Variants in CDH13 observed in about 807,000 individuals in gnomAD.
CDH13 encodes the protein cadherin 13.
CDH13 carries 24 observed loss-of-function variants against 63.8 expected under a neutral mutation model. The ratio of observed to expected loss-of-function variants is 0.38; its 90% CI spans 0.27 to 0.53. CDH13 has a LOEUF of 0.53. Ranked by LOEUF, CDH13 falls within the 20% of genes least tolerant of loss-of-function variation. The probability of loss-of-function intolerance (pLI) is 0.85; values close to 1 mark genes in which losing one functional copy is unlikely to be tolerated. For synonymous variants in CDH13, 503 were observed against 355.3 expected, an observed-to-expected ratio of 1.42 and a Z score of -4.67; for missense variants, 1,049 against 903.1, an observed-to-expected ratio of 1.16 and a Z score of -2.07.
In CDH13 at chr16:82,638,033, A is replaced by G. The variant is rs151032706; in HGVS notation, c.45+10896A>G. Reference sequence around the variant, plus strand: ...TAATTGTTACAATAGGAAGCAGTAGAGGCTGAAATCCATTGAAGGGAGAAG... The same window carrying G: ...TAATTGTTACAATAGGAAGCAGTAGGGGCTGAAATCCATTGAAGGGAGAAG... On this transcript the variant is annotated intron_variant, in intron 1 of 13. Transcript: ENST00000567109. Among the ~76,000 whole-genome samples the G allele has an allele frequency of 1.2e-3, 187 of 152,362 alleles. No individual in the cohort carries two copies. In the Middle Eastern group the frequency reaches 0.014, roughly 11 times the overall value.
intron 7 of CDH13, among the ~76,000 whole-genome samples, chr16:83,581,004 A>G (rs1417732087): frequency 1.3e-5 from 2 of 152,200 alleles, no homozygotes; most frequent in Non-Finnish European, 2.9e-5. Flanking sequence ...TGCATTACCC[A>G]TAGATGGTGC....
intron 1 of CDH13, among the ~76,000 whole-genome samples, chr16:82,686,728 C>T (rs763079547): frequency 1.3e-5 from 2 of 152,150 alleles, no homozygotes; most frequent in Non-Finnish European, 2.9e-5. Context: ...CAGAATGTTG[C>T]TTGATGCACA....
intron 1 of CDH13, among the ~76,000 whole-genome samples, chr16:82,815,636 T>C (rs1402321346): frequency 6.6e-6 from 1 of 152,210 alleles, no homozygotes; most frequent in Non-Finnish European, 1.5e-5. Flanking sequence ...TGGTGGATGC[T>C]GCTTCGTTTG....
intron 8 of CDH13, among the ~76,000 whole-genome samples, chr16:83,618,036 G>T (rs770906570): frequency 6.6e-5 from 10 of 152,306 alleles, no homozygotes; most frequent in Admixed American, 1.3e-4. Flanking sequence ...CACCCAGCCT[G>T]CCGTGTAGTG....
At chr16:82,788,393 C>G (rs1292102179) in intron 1 of CDH13, among the ~76,000 whole-genome samples, 1 of 152,256 alleles carries the variant, frequency 6.6e-6, no homozygotes, top group South Asian at 2.1e-4. Context: ...GGACGACCGC[C>G]CTGATGTGGT....
At chr16:83,033,576 T>C (rs1169992284) in intron 3 of CDH13, among the ~76,000 whole-genome samples, 1 of 152,334 alleles carries the variant, frequency 6.6e-6, no homozygotes, top group Admixed American at 6.5e-5. Flanking sequence ...TGTGTGTAAT[T>C]GCATATCGTG....
intron 2 of CDH13, among the ~76,000 whole-genome samples, chr16:82,918,112 G>C (rs1382661019): frequency 6.6e-6 from 1 of 152,258 alleles, no homozygotes; most frequent in East Asian, 1.9e-4. Context: ...CCTGGTAAAA[G>C]GTGGCAGAGC....
At chr16:82,893,518 G>C (rs1419951925) in intron 2 of CDH13, among the ~76,000 whole-genome samples, 2 of 152,218 alleles carry the variant, frequency 1.3e-5, no homozygotes, top group Non-Finnish European at 1.5e-5. Flanking sequence ...GTAATACTTG[G>C]AGAAATACAG....
intron 4 of CDH13, among the ~76,000 whole-genome samples, chr16:83,158,871 C>G (rs2037329365): frequency 6.6e-6 from 1 of 152,228 alleles, no homozygotes; most frequent in Non-Finnish European, 1.5e-5. Context: ...GCTGGGCTCT[C>G]TTTGGGCTTC....
intron 10 of CDH13, among the ~76,000 whole-genome samples, chr16:83,680,605 C>A (rs766364400): frequency 6.6e-6 from 1 of 152,046 alleles, no homozygotes; most frequent in East Asian, 1.9e-4. Context: ...TTCATCCTAC[C>A]GCTGTGTGAG....
chr16:83,017,664 T>A (rs1914937374), intron 2 of CDH13, among the ~76,000 whole-genome samples: 1 of 152,206 alleles, frequency 6.6e-6, no homozygotes, highest in Admixed American at 6.5e-5. Context: ...GTATTATATA[T>A]GATAGACATC....
chr16:83,308,643 A>T (rs778772702), intron 5 of CDH13, among the ~76,000 whole-genome samples: 1 of 152,230 alleles, frequency 6.6e-6, no homozygotes, highest in African/African-American at 2.4e-5. Context: ...CATGGAAAGA[A>T]CCTTTCCTAA....
intron 7 of CDH13, among the ~76,000 whole-genome samples, chr16:83,564,108 G>T (rs1780794085): frequency 6.6e-6 from 1 of 152,166 alleles, no homozygotes; most frequent in East Asian, 1.9e-4. Context: ...CTGGTGTTTT[G>T]CAAGTAAGTG....
intron 10 of CDH13, among the ~76,000 whole-genome samples, chr16:83,733,386 G>A (rs1281285610): frequency 1.3e-5 from 2 of 152,268 alleles, no homozygotes; most frequent in South Asian, 2.1e-4. Flanking sequence ...CCGGTAACCT[G>A]GCCTCCATCA....
At chr16:83,563,701 T>C (rs943643192) in intron 7 of CDH13, among the ~76,000 whole-genome samples, 1 of 152,164 alleles carries the variant, frequency 6.6e-6, no homozygotes, top group African/African-American at 2.4e-5. Flanking sequence ...GAACACATAC[T>C]GGACAAGACT....
chr16:82,722,568 A>T (rs978160391), intron 1 of CDH13, among the ~76,000 whole-genome samples: 5 of 152,128 alleles, frequency 3.3e-5, no homozygotes, highest in Admixed American at 2.0e-4. Context: ...GCAGCTGGGG[A>T]TGGAGTCACC....
chr16:83,141,394 A>G (rs1344460589), intron 4 of CDH13, among the ~76,000 whole-genome samples: 2 of 152,172 alleles, frequency 1.3e-5, no homozygotes, highest in African/African-American at 2.4e-5. Context: ...GCTTGACATA[A>G]TTGATGTCAG....
intron 6 of CDH13, among the ~76,000 whole-genome samples, chr16:83,373,743 T>C (rs1259939543): frequency 2.6e-5 from 4 of 152,226 alleles, no homozygotes; most frequent in African/African-American, 9.6e-5. Context: ...CTTTCACTAG[T>C]TGAGGGATCT....
At chr16:83,784,895 A>G (rs1025544249) in intron 13 of CDH13, among the ~76,000 whole-genome samples, 2 of 152,116 alleles carry the variant, frequency 1.3e-5, no homozygotes, top group Non-Finnish European at 2.9e-5. Flanking sequence ...CTCAGGTACT[A>G]ATGTCACTTA....
Sources: gnomAD v4.1 joint callset for allele counts (sites outside exome capture counted in the v4.1 genomes callset) on GRCh38, gnomAD v4.1.1 for gene constraint, MANE v1.5 for transcripts, NCBI Gene and HGNC (gene_info 2026-07-23, HGNC 2026-07-21) for gene names.